The following PLEKHA5 variants were observed in gnomAD, a reference collection of about 807,000 sequenced individuals.
The protein encoded by PLEKHA5 is pleckstrin homology domain containing A5, also known as pleckstrin homology domain-containing family A member 5.
In PLEKHA5, 55 loss-of-function variants were observed where a neutral mutation model predicts 181.9. That is an observed-to-expected ratio of 0.30 (90% CI 0.24 to 0.38). The LOEUF (loss-of-function observed/expected upper bound fraction) is 0.38. Ranked by LOEUF, PLEKHA5 falls within the 10% of genes least tolerant of loss-of-function variation. PLEKHA5 has a pLI of 1.00. For synonymous variants in PLEKHA5, 535 were observed against 529.4 expected (o/e 1.01, Z -0.15); for missense variants, 1,432 against 1,549.5 (o/e 0.92, Z 1.27).
At chr12:19,310,429 G>C (rs1268030671) in intron 15 of PLEKHA5, among the ~76,000 whole-genome samples, 1 of 151,954 alleles carries the variant, frequency 6.6e-6, no homozygotes, top group Non-Finnish European at 1.5e-5. Context: ...GACCAACATG[G>C]TGAAACCCCG....
intron 3 of PLEKHA5, among the ~76,000 whole-genome samples, chr12:19,163,454 G>A (rs2151516436): frequency 6.6e-6 from 1 of 152,154 alleles, no homozygotes; most frequent in South Asian, 2.1e-4. Flanking sequence ...TGGGATTATG[G>A]GTGGCTCACA....
chr12:19,213,447 G>A (rs915788232), intron 3 of PLEKHA5, among the ~76,000 whole-genome samples: 1 of 152,138 alleles, frequency 6.6e-6, no homozygotes, highest in African/African-American at 2.4e-5. Context: ...GTGCTTGGGG[G>A]CAGGGAGCAC....
chr12:19,232,618 A>C (rs898267535), intron 3 of PLEKHA5, among the ~76,000 whole-genome samples: 9 of 152,178 alleles, frequency 5.9e-5, no homozygotes, highest in African/African-American at 2.2e-4. Context: ...GGAAGATTCT[A>C]GTGTATGAAG....
intron 3 of PLEKHA5, among the ~76,000 whole-genome samples, chr12:19,179,552 C>T (rs535843881): frequency 2.9e-4 from 44 of 152,018 alleles, no homozygotes; most frequent in African/African-American, 1.0e-3. Context: ...CTCAGCTACT[C>T]GGGAGGCTGA....
intron 31 of PLEKHA5, chr12:19,372,411 T>TTTC (rs71064102): frequency 6.6e-6 from 1 of 151,860 alleles, no homozygotes; most frequent in Non-Finnish European, 1.5e-5. Flanking sequence ...GTTTTTTTTT[T>TTTC]CTTGCTGATT....
chr12:19,171,033 G>A (rs1268787577), intron 3 of PLEKHA5, among the ~76,000 whole-genome samples: 1 of 152,200 alleles, frequency 6.6e-6, no homozygotes, highest in Non-Finnish European at 1.5e-5. Context: ...AGTTTGGTAT[G>A]TAAAATGAGA....
At chr12:19,249,668 C>G (rs2064748298) in intron 3 of PLEKHA5, among the ~76,000 whole-genome samples, 1 of 152,054 alleles carries the variant, frequency 6.6e-6, no homozygotes, top group South Asian at 2.1e-4. Flanking sequence ...TATATGCTGA[C>G]TAAATGAAGG....
intron 3 of PLEKHA5, among the ~76,000 whole-genome samples, chr12:19,211,156 TAGAG>T (rs974548755): frequency 6.6e-6 from 1 of 152,114 alleles, no homozygotes; most frequent in Admixed American, 6.5e-5. Context: ...ATGAATAAGA[TAGAG>T]AGTTGCCCCT....
intron 20 of PLEKHA5, among the ~76,000 whole-genome samples, chr12:19,329,466 C>A (rs2092627222): frequency 6.6e-6 from 1 of 152,014 alleles, no homozygotes; most frequent in African/African-American, 2.4e-5. Context: ...CTGATCCGTG[C>A]CTTTTTTTGT....
intron 31 of PLEKHA5, among the ~76,000 whole-genome samples, chr12:19,370,241 A>G (rs1206742018): frequency 6.6e-6 from 1 of 152,252 alleles, no homozygotes; most frequent in Non-Finnish European, 1.5e-5. Context: ...TTTATGGTAC[A>G]GCCAACTTGA....
At chr12:19,309,297 C>T (rs2085463085) in intron 15 of PLEKHA5, among the ~76,000 whole-genome samples, 1 of 151,032 alleles carries the variant, frequency 6.6e-6, no homozygotes, top group Non-Finnish European at 1.5e-5. Context: ...ATTTTTTTTC[C>T]TGAAATAATT....
rs867002403 is a variant in PLEKHA5 at position 19,359,446 on chromosome 12, C to T, written c.3383C>T (p.Ala1128Val). 1 of 1,613,018 alleles carries T rather than the reference C, an allele frequency of 6.2e-7. No homozygotes were observed. ...RRRDDKELDT[A>V]IRENDVKPDH... Reference sequence around the variant, plus strand: ...AGGGATGATAAGGAACTGGACACTGCCATTAGAGAAAATGATGTAAAGCCA... The same window carrying T: ...AGGGATGATAAGGAACTGGACACTGTCATTAGAGAAAATGATGTAAAGCCA... The change falls in exon 28 of 32, where the codon GCC (alanine) becomes GTC (valine). Residue 1128 changes from alanine to valine, a missense_variant. Ala to Val is a moderately conservative substitution (Grantham distance 64). Transcript: ENST00000429027.
intron 17 of PLEKHA5, among the ~76,000 whole-genome samples, chr12:19,320,308 T>C (rs2090312566): frequency 1.3e-5 from 2 of 152,130 alleles, no homozygotes; most frequent in African/African-American, 4.8e-5. Context: ...TTAGTTTTGT[T>C]TGACCAGCAT....
chr12:19,163,498 G>C (rs537502687), intron 3 of PLEKHA5, among the ~76,000 whole-genome samples: 5 of 152,166 alleles, frequency 3.3e-5, no homozygotes, highest in African/African-American at 1.2e-4. Context: ...ACTTTCATTT[G>C]CTCTTTTCCG....
At chr12:19,293,767 C>T (rs1157440016) in intron 15 of PLEKHA5, among the ~76,000 whole-genome samples, 1 of 152,120 alleles carries the variant, frequency 6.6e-6, no homozygotes, top group Non-Finnish European at 1.5e-5. Context: ...AAAACACCAC[C>T]ATATGCTAAG....
intron 3 of PLEKHA5, among the ~76,000 whole-genome samples, chr12:19,194,056 A>G (rs1352550000): frequency 6.6e-6 from 1 of 152,146 alleles, no homozygotes; most frequent in African/African-American, 2.4e-5. Context: ...CCTCACCTCC[A>G]ACATTGGGGA....
chr12:19,206,324 G>T (rs753999452), intron 3 of PLEKHA5, among the ~76,000 whole-genome samples: 2 of 151,892 alleles, frequency 1.3e-5, no homozygotes, highest in Admixed American at 6.6e-5. Flanking sequence ...TTATTTTCAT[G>T]ATGAACACAA....
intron 3 of PLEKHA5, among the ~76,000 whole-genome samples, chr12:19,202,420 C>T (rs2054395163): frequency 6.6e-6 from 1 of 152,042 alleles, no homozygotes; most frequent in Non-Finnish European, 1.5e-5. Context: ...AACTGGTGAG[C>T]ATCTAGAGCA....
chr12:19,188,884 C>G (rs1240718359), intron 3 of PLEKHA5, among the ~76,000 whole-genome samples: 2 of 152,160 alleles, frequency 1.3e-5, no homozygotes, highest in African/African-American at 4.8e-5. Flanking sequence ...GAAAGCCTTT[C>G]AATGACCAAT....
Sources: allele counts gnomAD v4.1 joint callset (sites outside exome capture counted in the v4.1 genomes callset), GRCh38; gene constraint gnomAD v4.1.1; transcripts MANE v1.5; gene names NCBI Gene and HGNC (gene_info 2026-07-23, HGNC 2026-07-21).